Variants in ALKBH1 observed in about 807,000 individuals in gnomAD.
ALKBH1 encodes the protein alkB homolog 1, histone H2A dioxygenase.
Under a neutral mutation model 36.6 loss-of-function variants are expected in ALKBH1, and 31 were observed. The ratio of observed to expected loss-of-function variants is 0.85; its 90% CI spans 0.64 to 1.14. The LOEUF (loss-of-function observed/expected upper bound fraction) is 1.14, where lower values mean the gene tolerates loss of function less well. Among genes scored for constraint, ALKBH1 ranks in the 50% most tolerant of loss-of-function variants. ALKBH1 has a pLI of 0.00. For missense variants in ALKBH1, 490 were observed against 497.3 expected, an observed-to-expected ratio of 0.99 and a Z score of 0.14; for synonymous variants, 183 against 186.6, an observed-to-expected ratio of 0.98 and a Z score of 0.16.
At chr14:77,693,996 A>C (rs1264695410) in intron 3 of ALKBH1, among the ~76,000 whole-genome samples, 2 of 152,198 alleles carry the variant, frequency 1.3e-5, no homozygotes, top group Non-Finnish European at 2.9e-5. Context: ...CAAAAAACAA[A>C]AAACAAACAA....
At chr14:77,676,523 T>TATTTA (rs1392238257) in intron 4 of ALKBH1, among the ~76,000 whole-genome samples, 1 of 152,080 alleles carries the variant, frequency 6.6e-6, no homozygotes. Context: ...CTAAATATAA[T>TATTTA]GTAGTATCCT....
At chr14:77,693,672 A>G (rs1199415818) in intron 3 of ALKBH1, among the ~76,000 whole-genome samples, 1 of 152,152 alleles carries the variant, frequency 6.6e-6, no homozygotes, top group Non-Finnish European at 1.5e-5. Flanking sequence ...GGACAGTGAA[A>G]GGAGGATAAC....
rs549529919 is a variant in ALKBH1, at chr14:77,699,784, G to A, written c.292+4585C>T. On this transcript the variant is annotated intron_variant, in intron 2 of 5. Transcript: ENST00000216489. The stretch of plus-strand genomic sequence containing the variant: ...TAAATATTAGGTTCTGGCTGGGCGC[G>A]GTGGCTCATGCCTGTAATCCCAGCA... Among the ~76,000 whole-genome samples, 46 of 152,192 alleles carry A rather than the reference G, an allele frequency of 3.0e-4. 1 individual carries two copies. The highest frequency in any genetic ancestry group is 1.7e-3 in the East Asian group (9 of 5,174).
chr14:77,683,238 C>T, intron 3 of ALKBH1: 1 of 759,620 alleles, frequency 1.3e-6, no homozygotes. Flanking sequence ...GTTCCAGCAG[C>T]TCAGGCTCCT....
At chr14:77,695,821 G>A (rs112626719) in intron 2 of ALKBH1, among the ~76,000 whole-genome samples, 5 of 152,310 alleles carry the variant, frequency 3.3e-5, no homozygotes, top group South Asian at 2.1e-4. Flanking sequence ...TAGGCCGGGC[G>A]TGGTGGCTCT....
chr14:77,705,915 C>A (rs1448440965), intron 1 of ALKBH1, among the ~76,000 whole-genome samples: 4 of 152,036 alleles, frequency 2.6e-5, no homozygotes, highest in Admixed American at 6.6e-5. Context: ...ATTAGCCAGG[C>A]ATGGTGGCGC....
intron 1 of ALKBH1, among the ~76,000 whole-genome samples, chr14:77,706,697 G>GT (rs1189845773): frequency 6.6e-6 from 1 of 152,166 alleles, no homozygotes; most frequent in African/African-American, 2.4e-5. Flanking sequence ...TAAAATGTAG[G>GT]TAAAAGGAGC....
At chr14:77,677,851 C>G (rs962765443) in intron 4 of ALKBH1, among the ~76,000 whole-genome samples, 8 of 152,160 alleles carry the variant, frequency 5.3e-5, no homozygotes, top group Admixed American at 2.0e-4. Context: ...ACAGTCAAGG[C>G]TGTCATTCTA....
chr14:77,691,868 T>C (rs978987629), intron 3 of ALKBH1: 15 of 152,162 alleles, frequency 9.9e-5, no homozygotes, highest in African/African-American at 3.6e-4. Flanking sequence ...GTAGGTTCTC[T>C]TGGACTAATT....
At chr14:77,701,064 C>A (rs938651528) in intron 2 of ALKBH1, among the ~76,000 whole-genome samples, 2 of 152,114 alleles carry the variant, frequency 1.3e-5, no homozygotes, top group Non-Finnish European at 2.9e-5. Flanking sequence ...TACTGCACCC[C>A]ACTGGGTGAC....
chr14:77,691,625 C>G (rs2080297471), intron 3 of ALKBH1: 2 of 152,168 alleles, frequency 1.3e-5, no homozygotes, highest in African/African-American at 4.8e-5. Context: ...GCTGCCAGTA[C>G]AATGTCTTGA....
intron 2 of ALKBH1, among the ~76,000 whole-genome samples, chr14:77,698,814 T>A (rs796754327): frequency 6.6e-6 from 1 of 152,210 alleles, no homozygotes; most frequent in South Asian, 2.1e-4. Context: ...CCAGGCACAA[T>A]CTTGGCTCAC....
At chr14:77,707,009 C>A (rs1471071761) in intron 1 of ALKBH1, among the ~76,000 whole-genome samples, 1 of 152,202 alleles carries the variant, frequency 6.6e-6, no homozygotes, top group Admixed American at 6.5e-5. Context: ...ATAAATTGGA[C>A]TACAGTTTTG....
chr14:77,690,202 T>C (rs556143888), intron 3 of ALKBH1, among the ~76,000 whole-genome samples: 1 of 151,654 alleles, frequency 6.6e-6, no homozygotes, highest in African/African-American at 2.4e-5. Flanking sequence ...GCATGCCTAG[T>C]GTGTTTAAGG....
chr14:77,704,472 G>A lies in ALKBH1; in HGVS notation c.189C>T (p.Ile63=). ...RGKGPGAQKV[I]KSQLNVSSVS... The stretch of plus-strand genomic sequence containing the variant: ...CAGAAGACACATTTAGCTGAGATTT[G>A]ATCACCTGGCAGGAAGGAAACAGAA... The change falls in exon 2 of 6, where the codon ATC becomes ATT. Residue 63 remains isoleucine (I), a synonymous_variant. Coordinates refer to ENST00000216489, the MANE Select transcript of ALKBH1 (RefSeq NM_006020.3). The A allele has an allele frequency of 6.2e-7, 1 of 1,613,424 alleles. No individual in the cohort carries two copies. Among genetic ancestry groups the A allele is most frequent in the Non-Finnish European group, 8.5e-7 (1 of 1,179,488 alleles).
At chr14:77,702,306 A>C (rs1357023977) in intron 2 of ALKBH1, among the ~76,000 whole-genome samples, 1 of 152,094 alleles carries the variant, frequency 6.6e-6, no homozygotes, top group Non-Finnish European at 1.5e-5. Flanking sequence ...GTCTCAAAAT[A>C]AATAAATAAA....
intron 3 of ALKBH1, among the ~76,000 whole-genome samples, chr14:77,684,523 G>A (rs532600625): frequency 2.8e-4 from 43 of 151,966 alleles, no homozygotes; most frequent in African/African-American, 9.6e-4. Flanking sequence ...CACCACGCCC[G>A]GCTAATTTTG....
intron 2 of ALKBH1, among the ~76,000 whole-genome samples, chr14:77,702,800 T>C (rs2080366653): frequency 1.3e-5 from 2 of 151,896 alleles, no homozygotes; most frequent in East Asian, 3.9e-4. Context: ...GCAATCCTCC[T>C]ACCTCAGTCT....
chr14:77,687,918 C>CTT (rs926185847), intron 3 of ALKBH1, among the ~76,000 whole-genome samples: 3 of 151,410 alleles, frequency 2.0e-5, no homozygotes, highest in Non-Finnish European at 2.9e-5. Context: ...CATCTCATCT[C>CTT]TCTTCGTGTC....
Sources: gnomAD v4.1 joint callset for allele counts (sites outside exome capture counted in the v4.1 genomes callset) on GRCh38, gnomAD v4.1.1 for gene constraint, MANE v1.5 for transcripts, NCBI Gene and HGNC (gene_info 2026-07-23, HGNC 2026-07-21) for gene names.